Variants in DACH2 observed in about 807,000 individuals in gnomAD.
The protein encoded by DACH2 is dachshund homolog 2.
DACH2 carries 17 observed loss-of-function variants against 35.8 expected under a neutral mutation model. The ratio of observed to expected loss-of-function variants is 0.48; its 90% CI spans 0.33 to 0.71. The LOEUF is 0.71. Among genes scored for constraint, DACH2 ranks in the 30% least tolerant of loss-of-function variants. The pLI, the probability that DACH2 is intolerant of heterozygous loss-of-function variation, is 0.02. For synonymous variants in DACH2, 195 were observed against 177.3 expected (o/e 1.10, Z -0.79); for missense variants, 469 against 472.7 (o/e 0.99, Z 0.07).
intron 4 of DACH2, among the ~76,000 whole-genome samples, chrX:86,665,609 A>G (rs747847068): frequency 1.6e-3 from 178 of 112,035 alleles, no homozygotes; most frequent in African/African-American, 5.3e-3. Context: ...CTGCTAATTT[A>G]TAGCCAACGA....
At chrX:86,435,942 G>T (rs1185435152) in intron 2 of DACH2, among the ~76,000 whole-genome samples, 1 of 111,523 alleles carries the variant, frequency 9.0e-6, no homozygotes, top group Non-Finnish European at 1.9e-5. Context: ...TAAACTTGTG[G>T]CATTTGTGAA....
At chrX:86,708,633 T>A (rs757243905) in intron 5 of DACH2, among the ~76,000 whole-genome samples, 2 of 2,010 alleles carry the variant, frequency 1.0e-3, no homozygotes, top group Non-Finnish European at 1.7e-3. Flanking sequence ...TTTGGAAGGG[T>A]GGGAGGGTGG....
At chrX:86,224,991 G>A (rs1018685677) in intron 1 of DACH2, among the ~76,000 whole-genome samples, 3 of 111,638 alleles carry the variant, frequency 2.7e-5, no homozygotes, top group African/African-American at 9.7e-5. Flanking sequence ...AAATGGAAAT[G>A]TTCCTTGTTA....
At chrX:86,638,929 A>AATT (rs2040311744) in intron 3 of DACH2, among the ~76,000 whole-genome samples, 1 of 112,125 alleles carries the variant, frequency 8.9e-6, no homozygotes, top group African/African-American at 3.2e-5. Flanking sequence ...AAGGAAAAGG[A>AATT]ATTATTATAT....
At chrX:86,376,078 T>C (rs1379793119) in intron 1 of DACH2, among the ~76,000 whole-genome samples, 1 of 110,212 alleles carries the variant, frequency 9.1e-6, no homozygotes, top group Non-Finnish European at 1.9e-5. Context: ...AATTATGTGT[T>C]TTTTAAAATG....
rs200640802 is a variant in DACH2, at chrX:86,801,213, A to AT, written c.1241-11631dup. Among the ~76,000 whole-genome samples the AT allele has an allele frequency of 1.8e-3, 169 of 95,656 alleles. 1 individual carries two copies. Among genetic ancestry groups the AT allele is most frequent in the East Asian group, 6.7e-3 (22 of 3,305 alleles). The allele number at this position is 95,656 out of a possible 115,157, so 83.1% of individuals were successfully genotyped here. A position where few individuals can be genotyped will look rare whatever the true frequency, so the allele number is the denominator to read the frequency against. On this transcript the variant is annotated intron_variant, in intron 7 of 11. Coordinates refer to ENST00000373125, the MANE Select transcript of DACH2 (RefSeq NM_053281.3). Reference sequence around the variant, plus strand: ...AAACACGTGATGGCTCAGTGCATCAATTTTTTTTTTTTAAATTTTTTGAAG... The same window carrying AT: ...AAACACGTGATGGCTCAGTGCATCAATTTTTTTTTTTTTAAATTTTTTGAAG...
chrX:86,312,248 G>T (rs772069700), intron 1 of DACH2, among the ~76,000 whole-genome samples: 37 of 111,806 alleles, frequency 3.3e-4, no homozygotes, highest in Non-Finnish European at 4.9e-4. Flanking sequence ...CCTTTATCAT[G>T]TAACATAAGA....
intron 2 of DACH2, among the ~76,000 whole-genome samples, chrX:86,484,361 T>C (rs2148238218): frequency 8.9e-6 from 1 of 111,779 alleles, no homozygotes; most frequent in Non-Finnish European, 1.9e-5. Flanking sequence ...GCACAAGTGG[T>C]ATGGTTTTGT....
At chrX:86,285,452 GTTTAA>G (rs760887389) in intron 1 of DACH2, among the ~76,000 whole-genome samples, 2 of 111,618 alleles carry the variant, frequency 1.8e-5, no homozygotes, top group African/African-American at 6.5e-5. Context: ...GAAGCATATG[GTTTAA>G]TTTGTGTATT....
At chrX:86,549,028 G>T (rs1260026107) in intron 3 of DACH2, among the ~76,000 whole-genome samples, 2 of 111,645 alleles carry the variant, frequency 1.8e-5, no homozygotes, top group Non-Finnish European at 3.8e-5. Context: ...AATCTTGGAG[G>T]AGGGAAATGG....
At chrX:86,173,823 T>A (rs185140207) in intron 1 of DACH2, among the ~76,000 whole-genome samples, 27 of 112,267 alleles carry the variant, frequency 2.4e-4, no homozygotes, top group African/African-American at 8.4e-4. Flanking sequence ...TAGGCTCATA[T>A]AAGGCAAAGG....
chrX:86,718,616 G>A (rs1715966082), intron 6 of DACH2, among the ~76,000 whole-genome samples: 1 of 111,499 alleles, frequency 9.0e-6, no homozygotes, highest in Admixed American at 9.5e-5. Context: ...TTCATGTCTT[G>A]CATTTAAGGG....
chrX:86,647,329 T>C (rs66968084), intron 3 of DACH2, among the ~76,000 whole-genome samples: 13,804 of 110,565 alleles, frequency 0.12, 750 homozygotes, highest in East Asian at 0.32. Flanking sequence ...TTATATACAA[T>C]GGAATTTTAT....
At chrX:86,614,934 G>T (rs922685810) in intron 3 of DACH2, among the ~76,000 whole-genome samples, 1 of 111,616 alleles carries the variant, frequency 9.0e-6, no homozygotes, top group Non-Finnish European at 1.9e-5. Context: ...GAATAGCAAG[G>T]TTTCTTGAAT....
intron 4 of DACH2, among the ~76,000 whole-genome samples, chrX:86,653,951 GC>G (rs1569460766): frequency 9.1e-6 from 1 of 109,928 alleles, no homozygotes; most frequent in Non-Finnish European, 1.9e-5. Flanking sequence ...ACAGGTGTGA[GC>G]CACTGCGCCC....
At chrX:86,246,280 C>A (rs867086757) in intron 1 of DACH2, among the ~76,000 whole-genome samples, 8 of 109,871 alleles carry the variant, frequency 7.3e-5, no homozygotes, top group Non-Finnish European at 1.3e-4. Context: ...CCCAAACTTG[C>A]GAGAGGTCAA....
Position 86,539,611 on chromosome X carries a change from TA to T in DACH2, c.640+25226del, listed in dbSNP as rs1189940203. Among the ~76,000 whole-genome samples the T allele has an allele frequency of 1.8e-5, 2 of 111,657 alleles. 1 individual carries two copies. Among genetic ancestry groups the T allele is most frequent in the Non-Finnish European group, 3.8e-5 (2 of 53,123 alleles). ...TTTTGAGATCTTAAAAATTTGGTGA[TA>T]AAAAACTGCTCTATTGAGAAATGAG... On this transcript the variant is annotated intron_variant, in intron 3 of 11. Transcript: ENST00000373125.
At chrX:86,483,968 C>A (rs964412932) in intron 2 of DACH2, among the ~76,000 whole-genome samples, 1 of 111,768 alleles carries the variant, frequency 8.9e-6, no homozygotes, top group Non-Finnish European at 1.9e-5. Flanking sequence ...TGTATGTATA[C>A]ATGAGTGTCA....
chrX:86,507,824 G>T (rs2038346516), intron 2 of DACH2, among the ~76,000 whole-genome samples: 1 of 111,883 alleles, frequency 8.9e-6, no homozygotes, highest in Middle Eastern at 4.2e-3. Flanking sequence ...GAATGGATTG[G>T]AACACAGTGA....
Sources: gnomAD v4.1 joint callset for allele counts (sites outside exome capture counted in the v4.1 genomes callset) on GRCh38, gnomAD v4.1.1 for gene constraint, MANE v1.5 for transcripts, NCBI Gene and HGNC (gene_info 2026-07-23, HGNC 2026-07-21) for gene names.